SUGCT: variants seen among roughly 807,000 people sequenced by gnomAD.
SUGCT encodes succinyl-CoA:glutarate-CoA transferase.
Under a neutral mutation model 55.0 loss-of-function variants are expected in SUGCT, and 41 were observed. The ratio of observed to expected loss-of-function variants is 0.74; its 90% confidence interval spans 0.58 to 0.97. The LOEUF (loss-of-function observed/expected upper bound fraction) is 0.97. Ranked by LOEUF, SUGCT falls within the 50% of genes least tolerant of loss-of-function variation. The pLI, the probability that SUGCT is intolerant of heterozygous loss-of-function variation, is 0.00. For synonymous variants in SUGCT, 187 were observed against 200.4 expected, an observed-to-expected ratio of 0.93 and a Z score of 0.56; for missense variants, 568 against 547.8, an observed-to-expected ratio of 1.04 and a Z score of -0.37.
chr7:40,219,595 C>T (rs1787907888), intron 6 of SUGCT, among the ~76,000 whole-genome samples: 1 of 151,992 alleles, frequency 6.6e-6, no homozygotes, highest in Non-Finnish European at 1.5e-5. Flanking sequence ...GACGTTGTGA[C>T]CAGGCCATGT....
At chr7:40,630,652 C>G (rs1393380202) in intron 12 of SUGCT, among the ~76,000 whole-genome samples, 1 of 152,158 alleles carries the variant, frequency 6.6e-6, no homozygotes, top group Non-Finnish European at 1.5e-5. Context: ...CTTTTTCTGA[C>G]TAACTGTATG....
At chr7:40,139,205 T>A (rs1329810552) in intron 1 of SUGCT, among the ~76,000 whole-genome samples, 1 of 152,068 alleles carries the variant, frequency 6.6e-6, no homozygotes, top group Non-Finnish European at 1.5e-5. Flanking sequence ...TTAATTAATT[T>A]ATTTAATTTT....
intron 9 of SUGCT, among the ~76,000 whole-genome samples, chr7:40,317,361 A>G (rs1421273448): frequency 6.6e-6 from 1 of 152,156 alleles, no homozygotes; most frequent in Non-Finnish European, 1.5e-5. Context: ...TGTCCTTAGA[A>G]ATTCTTGACT....
At chr7:40,910,725 T>G in the SUGCT span, among the ~76,000 whole-genome samples, 4 of 152,314 alleles carry the variant, frequency 2.6e-5, no homozygotes, top group African/African-American at 9.6e-5. Context: ...TAACCCCATG[T>G]TCCCCTTTAT....
At chr7:40,723,825 C>T (rs1786472680) in intron 12 of SUGCT, among the ~76,000 whole-genome samples, 1 of 152,174 alleles carries the variant, frequency 6.6e-6, no homozygotes, top group Non-Finnish European at 1.5e-5. Flanking sequence ...TAATTGTCTG[C>T]TTACTGTCTG....
chr7:40,974,130 C>A, the SUGCT span, among the ~76,000 whole-genome samples: 1 of 152,302 alleles, frequency 6.6e-6, no homozygotes, highest in African/African-American at 2.4e-5. Context: ...TCCATAGTGC[C>A]TAAAGAGCCA....
chr7:40,453,128 A>C (rs1789283013), intron 10 of SUGCT, among the ~76,000 whole-genome samples: 1 of 152,122 alleles, frequency 6.6e-6, no homozygotes, highest in South Asian at 2.1e-4. Context: ...GAGAGTGTGG[A>C]AATAGTTTGT....
chr7:40,285,052 TA>T lies in SUGCT; in HGVS notation c.720+10398del, dbSNP rs373998324. On this transcript the variant is annotated intron_variant, in intron 8 of 13. Coordinates refer to ENST00000335693, the MANE Select transcript of SUGCT (RefSeq NM_001193313.2). Reference sequence around the variant, plus strand: ...GGAAAATCAGGTCTTCAACTTGTGATAATTGATAATTACTAGTGGGAGAATA... The same window carrying T: ...GGAAAATCAGGTCTTCAACTTGTGATATTGATAATTACTAGTGGGAGAATA... 8.3e-4 allele frequency among the ~76,000 whole-genome samples: 126 copies of T among 152,316 alleles called. 2 individuals are homozygous for T. The South Asian group carries it at 0.024, about 29-fold the overall frequency.
At chr7:40,941,933 G>A in the SUGCT span, among the ~76,000 whole-genome samples, 884 of 151,682 alleles carry the variant, frequency 5.8e-3, 7 homozygotes, top group African/African-American at 0.02. Context: ...TTTTCCACCC[G>A]TTTACCTTGA....
At chr7:40,600,196 A>G (rs1259139763) in intron 12 of SUGCT, among the ~76,000 whole-genome samples, 1 of 152,138 alleles carries the variant, frequency 6.6e-6, no homozygotes, top group African/African-American at 2.4e-5. Context: ...CCCCAAACAA[A>G]CAGAGCAAAA....
chr7:40,472,476 A>G (rs1790451641), intron 11 of SUGCT, among the ~76,000 whole-genome samples: 1 of 152,146 alleles, frequency 6.6e-6, no homozygotes, highest in African/African-American at 2.4e-5. Context: ...AGTAAAGCTA[A>G]TATTAACCGT....
intron 9 of SUGCT, among the ~76,000 whole-genome samples, chr7:40,323,307 T>C (rs1795848212): frequency 6.6e-6 from 1 of 152,214 alleles, no homozygotes; most frequent in Admixed American, 6.5e-5. Context: ...TGCATGTGAA[T>C]CATTTGGATG....
chr7:40,449,077 C>T (rs1469813272), intron 9 of SUGCT, among the ~76,000 whole-genome samples: 2 of 151,712 alleles, frequency 1.3e-5, no homozygotes, highest in Admixed American at 6.6e-5. Context: ...TGGCTATTGA[C>T]TGTTTGACAT....
Position 40,208,845 on chromosome 7 carries a change from G to A in SUGCT, c.484+13785G>A, listed in dbSNP as rs572144094. On this transcript the variant is annotated intron_variant, in intron 6 of 13. Transcript: ENST00000335693. ...CAGGCGTGAGCCACTGCACCCGACT[G>A]ATTCTTACATGTTTAAGTTAAAAGC... Among the ~76,000 whole-genome samples the A allele has an allele frequency of 2.1e-3, 324 of 152,140 alleles. 2 individuals are homozygous for A. The highest frequency in any genetic ancestry group is 3.8e-3 in the Non-Finnish European group (260 of 67,958).
chr7:40,920,490 A>T, the SUGCT span, among the ~76,000 whole-genome samples: 1 of 152,162 alleles, frequency 6.6e-6, no homozygotes, highest in African/African-American at 2.4e-5. Context: ...GAATGACTGA[A>T]AAATGCACCC....
the SUGCT span, among the ~76,000 whole-genome samples, chr7:40,903,855 G>A: frequency 8.1e-4 from 124 of 152,318 alleles, no homozygotes; most frequent in African/African-American, 2.6e-3. Context: ...TGTATCCCCA[G>A]TAGGGCTGAG....
intron 9 of SUGCT, among the ~76,000 whole-genome samples, chr7:40,362,376 G>C (rs993564685): frequency 6.6e-6 from 1 of 151,944 alleles, no homozygotes; most frequent in East Asian, 1.9e-4. Context: ...CCAAGATGGC[G>C]TCACTGCACT....
chr7:40,729,779 AC>A (rs1481813406), intron 12 of SUGCT, among the ~76,000 whole-genome samples: 2 of 152,198 alleles, frequency 1.3e-5, no homozygotes, highest in Non-Finnish European at 2.9e-5. Context: ...AGTGGTGGGT[AC>A]TATGGAAAGC....
chr7:41,030,931 T>A, the SUGCT span, among the ~76,000 whole-genome samples: 1 of 152,138 alleles, frequency 6.6e-6, no homozygotes, highest in African/African-American at 2.4e-5. Flanking sequence ...GCATCGTAGA[T>A]AATGTAGTAG....
Sources: gnomAD v4.1 joint callset for allele counts (sites outside exome capture counted in the v4.1 genomes callset) on GRCh38, gnomAD v4.1.1 for gene constraint, MANE v1.5 for transcripts, NCBI Gene and HGNC (gene_info 2026-07-23, HGNC 2026-07-21) for gene names.